CBY2: variants seen among roughly 807,000 people sequenced by gnomAD.
CBY2 encodes the protein chibby family member 2.
A neutral mutation model predicts 25.3 loss-of-function variants in CBY2; 23 were observed. The ratio of observed to expected loss-of-function variants is 0.91; its 90% confidence interval spans 0.65 to 1.29. The LOEUF is 1.29. Among genes scored for constraint, CBY2 ranks in the 50% most tolerant of loss-of-function variants. The pLI is 0.00. For missense variants in CBY2, 642 were observed against 590.7 expected (o/e 1.09, Z -0.90); for synonymous variants, 279 against 260.2 (o/e 1.07, Z -0.70).
intron 2 of CBY2, among the ~76,000 whole-genome samples, chr13:45,705,848 C>A (rs541339462): frequency 6.6e-6 from 1 of 152,166 alleles, no homozygotes; most frequent in East Asian, 1.9e-4. Context: ...CTGATAGTAA[C>A]CCTCAGTAAT....
Position 45,704,951 on chromosome 13 carries a change from G to T in CBY2, c.156+2096G>T, listed in dbSNP as rs965819924. 1.3e-5 allele frequency among the ~76,000 whole-genome samples: 2 copies of T among 152,192 alleles called. No homozygotes were observed. The highest frequency in any genetic ancestry group is 2.9e-5 in the Non-Finnish European group (2 of 68,036). ...TCTTATTTTGTATTTGCCAAAAGCT[G>T]CTCTATTCTGGGATGGAGTCCACTT... On this transcript the variant is annotated intron_variant, in intron 2 of 2. Coordinates refer to ENST00000310521, the MANE Select transcript of CBY2 (RefSeq NM_152719.3). This position sits in a 1 kb window ranked among gnomAD's most constrained non-coding sequence, Gnocchi z 4.1.
chr13:45,711,792 T>C (rs775273269), intron 2 of CBY2, among the ~76,000 whole-genome samples: 1 of 152,202 alleles, frequency 6.6e-6, no homozygotes, highest in Non-Finnish European at 1.5e-5. Flanking sequence ...CCCCGTTTTA[T>C]GCTGTGGTCT....
Position 45,714,439 on chromosome 13 carries a change from C to T in CBY2, c.*67C>T, listed in dbSNP as rs115054562. 2,165 of 1,379,946 alleles carry T rather than the reference C, an allele frequency of 1.6e-3. 26 individuals are homozygous for T. The African/African-American group carries it at 0.027, about 17-fold the overall frequency. The allele number at this position is 1,379,946 out of a possible 1,614,324, so 85.5% of individuals were successfully genotyped here. On this transcript the variant is annotated 3_prime_UTR_variant, in exon 3 of 3. Coordinates refer to ENST00000310521, the MANE Select transcript of CBY2 (RefSeq NM_152719.3). ...ACACTGGGCAAAAGAGAATCCCCTG[C>T]CTTCCTTTGTCGTCCTCGCCTTCCC... is the stretch of plus-strand genomic sequence containing the variant.
At chr13:45,706,083 G>A (rs1417173300) in intron 2 of CBY2, among the ~76,000 whole-genome samples, 3 of 152,212 alleles carry the variant, frequency 2.0e-5, no homozygotes, top group South Asian at 2.1e-4. Flanking sequence ...CACCCAGAGA[G>A]ACCTGTTGCT....
At chr13:45,709,406 T>C (rs937373168) in intron 2 of CBY2, among the ~76,000 whole-genome samples, 1 of 152,186 alleles carries the variant, frequency 6.6e-6, no homozygotes, top group Admixed American at 6.5e-5. Flanking sequence ...GTAGAAAGCA[T>C]CCATGATTCC....
chr13:45,709,055 G>C (rs1950254638), intron 2 of CBY2, among the ~76,000 whole-genome samples: 1 of 152,186 alleles, frequency 6.6e-6, no homozygotes, highest in Non-Finnish European at 1.5e-5. Flanking sequence ...TGGGGCCATA[G>C]TGGTGCCAAT....
chr13:45,710,489 C>T (rs1374507557), intron 2 of CBY2, among the ~76,000 whole-genome samples: 1 of 152,186 alleles, frequency 6.6e-6, no homozygotes, highest in Non-Finnish European at 1.5e-5. Context: ...TACCACTGCA[C>T]TCCAGCCTGG....
chr13:45,713,627 A>G lies in CBY2; in HGVS notation c.602A>G (p.Glu201Gly), dbSNP rs1292447616. Reference sequence around the variant, plus strand: ...AACAAGATCCTACAGGTCTTCTGGGAGGAGCACAAGGCCTCGCTGGGCCGA... The same window carrying G: ...AACAAGATCCTACAGGTCTTCTGGGGGGAGCACAAGGCCTCGCTGGGCCGA... The part of the protein sequence containing the change: ...KENKILQVFW[E>G]EHKASLGREE... The change falls in exon 3 of 3, where the codon GAG becomes GGG. Residue 201 changes from glutamate (E) to glycine (G), a missense_variant. Glu to Gly is a moderately conservative substitution (Grantham distance 98). Transcript: ENST00000310521. The surrounding 1 kb of genome is among the most constrained non-coding windows in gnomAD (Gnocchi z 5.0). The G allele has an allele frequency of 2.5e-6, 4 of 1,613,686 alleles. No individual in the cohort carries two copies. The highest frequency in any genetic ancestry group is 1.3e-5 in the African/African-American group (1 of 74,860).
rs1439433406 is a variant in CBY2 at position 45,703,630 on chromosome 13, G to T, written c.156+775G>T. ...AGCTCTGTCCAGGGATGTGTAGGAG[G>T]AGGATTGACCACTGGTGGGCATTCC... On this transcript the variant is annotated intron_variant, in intron 2 of 2. Coordinates refer to ENST00000310521, the MANE Select transcript of CBY2 (RefSeq NM_152719.3). 5 of 1,519,214 alleles carry T rather than the reference G, an allele frequency of 3.3e-6. No individual in the cohort carries two copies. The East Asian group carries it at 1.2e-4, about 37-fold the overall frequency. 94.1% of individuals were successfully genotyped at this position (1,519,214 alleles called of 1,614,324 possible).
intron 2 of CBY2, among the ~76,000 whole-genome samples, chr13:45,710,394 G>A (rs1294154647): frequency 6.6e-6 from 1 of 152,118 alleles, no homozygotes; most frequent in African/African-American, 2.4e-5. Context: ...GTGGTGGCAC[G>A]CGCCTGTAGT....
chr13:45,709,427 C>T (rs1264928425), intron 2 of CBY2, among the ~76,000 whole-genome samples: 2 of 152,056 alleles, frequency 1.3e-5, no homozygotes, highest in African/African-American at 4.8e-5. Flanking sequence ...TCTTTGGACC[C>T]TTAGTTGGAT....
At chr13:45,710,951 C>T (rs1950266960) in intron 2 of CBY2, among the ~76,000 whole-genome samples, 2 of 152,174 alleles carry the variant, frequency 1.3e-5, no homozygotes, top group Admixed American at 1.3e-4. Context: ...TCTACATACA[C>T]CCACACATAT....
chr13:45,711,518 T>A (rs1950270093), intron 2 of CBY2, among the ~76,000 whole-genome samples: 1 of 152,136 alleles, frequency 6.6e-6, no homozygotes, highest in Non-Finnish European at 1.5e-5. Context: ...TCTTGTGACC[T>A]TTCAGTCTGT....
In CBY2 at chr13:45,706,738, G is replaced by A. The variant is rs144733007; in HGVS notation, c.156+3883G>A. On this transcript the variant is annotated intron_variant, in intron 2 of 2. Coordinates refer to ENST00000310521, the MANE Select transcript of CBY2 (RefSeq NM_152719.3). The stretch of plus-strand genomic sequence containing the variant: ...GGCTTTGTATTGGCATAGACCTCTT[G>A]TCAAGGGCTAAAGGATATCAGGGCA... 1.1e-3 allele frequency among the ~76,000 whole-genome samples: 166 copies of A among 152,236 alleles called. 2 individuals carry two copies. The East Asian group carries it at 0.02, about 18-fold the overall frequency.
Position 45,714,282 on chromosome 13 carries a change from G to T in CBY2, c.1257G>T (p.Glu419Asp). Reference protein sequence around the residue: ...QQKLVIDTVTEVTARMEMLIE... With the variant: ...QQKLVIDTVTDVTARMEMLIE... ...AGCTGGTCATTGACACCGTGACCGA[G>T]GTCACCGCGCGCATGGAAATGCTCA... The change falls in exon 3 of 3, where the codon GAG becomes GAT. Residue 419 changes from glutamate to aspartate, a missense_variant. Coordinates refer to ENST00000310521, the MANE Select transcript of CBY2 (RefSeq NM_152719.3). The T allele has an allele frequency of 6.2e-7, 1 of 1,613,238 alleles. No individual in the cohort carries two copies. The highest frequency in any genetic ancestry group is 8.5e-7 in the Non-Finnish European group (1 of 1,179,902).
At position 45,713,229 on chromosome 13, in the gene CBY2, C is replaced by A. The variant is rs199671311; in HGVS notation, c.204C>A (p.Thr68=). 1 of 1,613,566 alleles carries A rather than the reference C, an allele frequency of 6.2e-7. No individual in the cohort carries two copies. Among genetic ancestry groups the A allele is most frequent in the Non-Finnish European group, 8.5e-7 (1 of 1,179,882 alleles). The change falls in exon 3 of 3, where the codon ACC becomes ACA. Residue 68 remains threonine, a synonymous_variant. Transcript: ENST00000310521. This position sits in a 1 kb window ranked among gnomAD's most constrained non-coding sequence, Gnocchi z 5.0. ...PFPRLHNLYS[T]PRCAQQAALP... ...CGAGGCTCCACAACTTGTACAGCACCCCTCGCTGCGCGCAGCAGGCCGCCC... is the reference window on the plus strand; with the variant it reads ...CGAGGCTCCACAACTTGTACAGCACACCTCGCTGCGCGCAGCAGGCCGCCC...
chr13:45,711,221 C>A (rs1298909019), intron 2 of CBY2, among the ~76,000 whole-genome samples: 2 of 152,148 alleles, frequency 1.3e-5, no homozygotes, highest in African/African-American at 4.8e-5. Flanking sequence ...GTGAAATCTA[C>A]TCTTCTTGAT....
chr13:45,703,332 C>T, intron 2 of CBY2: 2 of 1,405,826 alleles, frequency 1.4e-6, no homozygotes, highest in South Asian at 1.6e-5. Flanking sequence ...GCATCAAAGA[C>T]AGATGTAGGG....
rs1307456837 is a variant in CBY2 at position 45,703,027 on chromosome 13, C to A, written c.156+172C>A. On this transcript the variant is annotated intron_variant, in intron 2 of 2. Coordinates refer to ENST00000310521, the MANE Select transcript of CBY2 (RefSeq NM_152719.3). ...GGTGTGCTGGGGAAGGCCACATAGC[C>A]CCTCTGGGCCTTGGGTTCTTTTTCC... The A allele has an allele frequency of 3.1e-5, 37 of 1,177,660 alleles. No homozygotes were observed. In the Middle Eastern group the frequency reaches 6.1e-4, roughly 19 times the overall value. 73.0% of individuals were successfully genotyped at this position (1,177,660 alleles called of 1,614,324 possible). A position where few individuals can be genotyped will look rare whatever the true frequency, so the allele number is the denominator to read the frequency against.
Sources: allele counts gnomAD v4.1 joint callset (sites outside exome capture counted in the v4.1 genomes callset), GRCh38; gene constraint gnomAD v4.1.1; non-coding constraint Gnocchi (gnomAD v3.1); transcripts MANE v1.5; gene names NCBI Gene and HGNC (gene_info 2026-07-23, HGNC 2026-07-21).